SF3A1: variants seen among roughly 807,000 people sequenced by gnomAD.
The protein encoded by SF3A1 is splicing factor 3a subunit 1.
A neutral mutation model predicts 89.9 loss-of-function variants in SF3A1; 13 were observed. The observed-to-expected ratio is 0.14, with a 90% CI of 0.09 to 0.23. SF3A1 has a LOEUF of 0.23. Ranked by LOEUF, SF3A1 falls within the 10% of genes least tolerant of loss-of-function variation. SF3A1 has a pLI of 1.00. For missense variants in SF3A1, 604 were observed against 1,022.1 expected, an observed-to-expected ratio of 0.59 and a Z score of 5.58; for synonymous variants, 405 against 374.4, an observed-to-expected ratio of 1.08 and a Z score of -0.94.
In SF3A1 at chr22:30,337,761, T is replaced by C; in HGVS notation, c.1880A>G (p.Asn627Ser). The C allele has an allele frequency of 1.3e-6, 2 of 1,585,672 alleles. No homozygotes were observed. The highest frequency in any genetic ancestry group is 1.2e-5 in the South Asian group (1 of 86,440). ...GGCCGAGGGAGGCATGGGCACCACG[T>C]TGATTCTGGGCGCGTGGATGATGGG... ...MPPIIHAPRI[N>S]VVPMPPSAPP... The change falls in exon 12 of 16, where the codon AAC (asparagine) becomes AGC (serine). Residue 627 changes from asparagine to serine, a missense_variant. Coordinates refer to ENST00000215793, the MANE Select transcript of SF3A1 (RefSeq NM_005877.6).
intron 2 of SF3A1, among the ~76,000 whole-genome samples, chr22:30,350,304 T>TAAA (rs567383762): frequency 1.5e-5 from 2 of 135,072 alleles, no homozygotes; most frequent in African/African-American, 5.4e-5. Flanking sequence ...ACAAAAAAAC[T>TAAA]AAAAAAAATA....
intron 4 of SF3A1, among the ~76,000 whole-genome samples, chr22:30,344,713 T>C (rs1261195062): frequency 6.6e-6 from 1 of 152,260 alleles, no homozygotes; most frequent in Non-Finnish European, 1.5e-5. Flanking sequence ...TTAGCAAGCA[T>C]GTATTTCCCT....
intron 1 of SF3A1, among the ~76,000 whole-genome samples, chr22:30,355,239 G>T (rs772232240): frequency 1.0e-3 from 158 of 152,236 alleles, no homozygotes; most frequent in Non-Finnish European, 1.8e-3. Flanking sequence ...TCAAACTCCT[G>T]ACCTCAAGTG....
chr22:30,356,725 G>T lies in SF3A1; in HGVS notation c.63+5C>A, dbSNP rs370765021. 2.7e-6 allele frequency: 4 copies of T among 1,491,330 alleles called. No individual in the cohort carries two copies. The highest frequency in any genetic ancestry group is 3.6e-6 in the Non-Finnish European group (4 of 1,116,822). 92.4% of individuals were successfully genotyped at this position (1,491,330 alleles called of 1,614,324 possible). A position where few individuals can be genotyped will look rare whatever the true frequency, so the allele number is the denominator to read the frequency against. ...GCTGCAGGCTGAGGGGCGGGGGAGAGGTACCTGTTTGGGCTCCGTGGGCAC... is the reference window on the plus strand; with the variant it reads ...GCTGCAGGCTGAGGGGCGGGGGAGATGTACCTGTTTGGGCTCCGTGGGCAC... On this transcript the variant is annotated splice_donor_5th_base_variant and intron_variant, in intron 1 of 15. Transcript: ENST00000215793.
At chr22:30,352,062 T>G (rs950079279) in intron 2 of SF3A1, among the ~76,000 whole-genome samples, 3 of 151,188 alleles carry the variant, frequency 2.0e-5, no homozygotes, top group African/African-American at 4.9e-5. Flanking sequence ...TGCGTGGAAC[T>G]GTGGGGAGAG....
chr22:30,342,412 C>A, intron 5 of SF3A1, 62 bp from the exon 6 acceptor site: 1 of 1,526,314 alleles, frequency 6.6e-7, no homozygotes. Context: ...GATGAGGCTA[C>A]CACCTCCAGG....
At chr22:30,334,765 T>C in intron 15 of SF3A1, 70 bp from the exon 16 acceptor site, 3 of 1,087,798 alleles carry the variant, frequency 2.8e-6, no homozygotes, top group South Asian at 2.8e-5. Context: ...ACCTTACAAC[T>C]GTGCACTTGG....
At chr22:30,346,654 T>C in intron 2 of SF3A1, 135 bp from the exon 3 acceptor site, 1 of 907,510 alleles carries the variant, frequency 1.1e-6, no homozygotes, top group Non-Finnish European at 1.7e-6. Flanking sequence ...GACGTCCTCC[T>C]CTAGCTTCCT....
chr22:30,349,374 G>A (rs565535693), intron 2 of SF3A1, among the ~76,000 whole-genome samples: 12 of 152,284 alleles, frequency 7.9e-5, no homozygotes, highest in Admixed American at 6.5e-4. Flanking sequence ...TCTGCCTCCC[G>A]GGTTCAAACG....
At chr22:30,349,512 C>T (rs1931521761) in intron 2 of SF3A1, among the ~76,000 whole-genome samples, 1 of 152,132 alleles carries the variant, frequency 6.6e-6, no homozygotes, top group African/African-American at 2.4e-5. Context: ...GAACTCCTGA[C>T]CTCAGGTGAT....
At chr22:30,356,144 T>C (rs1056748386) in intron 1 of SF3A1, among the ~76,000 whole-genome samples, 1 of 152,136 alleles carries the variant, frequency 6.6e-6, no homozygotes, top group Non-Finnish European at 1.5e-5. Flanking sequence ...TCGATGGCCA[T>C]TGGGACAACA....
intron 3 of SF3A1, among the ~76,000 whole-genome samples, chr22:30,345,981 A>T (rs1931405985): frequency 6.6e-6 from 1 of 152,150 alleles, no homozygotes; most frequent in South Asian, 2.1e-4. Flanking sequence ...TGCTGCCCTC[A>T]CATCACGGCA....
chr22:30,346,542 G>C (rs111538926), intron 2 of SF3A1, 23 bp from the exon 3 acceptor site: 1 of 1,612,414 alleles, frequency 6.2e-7, no homozygotes. Context: ...AAAACAACAA[G>C]AATAAACACC....
At chr22:30,346,203 A>T in intron 3 of SF3A1, 109 bp downstream of exon 3, 1 of 778,332 alleles carries the variant, frequency 1.3e-6, no homozygotes, top group Non-Finnish European at 2.2e-6. Flanking sequence ...TAACGACCTC[A>T]CTTCTCTCCC....
intron 2 of SF3A1, among the ~76,000 whole-genome samples, chr22:30,347,834 G>A (rs2145816623): frequency 6.6e-6 from 1 of 152,228 alleles, no homozygotes; most frequent in South Asian, 2.1e-4. Context: ...ACATTATTGA[G>A]GAGATGCCAA....
intron 7 of SF3A1, among the ~76,000 whole-genome samples, chr22:30,341,244 G>T (rs751890050): frequency 1.3e-5 from 2 of 152,192 alleles, no homozygotes; most frequent in African/African-American, 4.8e-5. Context: ...ATTTCCGAGT[G>T]GGGGAGAACA....
rs767080827 is a variant in SF3A1, at chr22:30,342,771, A to C, written c.726+34T>G. The stretch of plus-strand genomic sequence containing the variant: ...CAGACATAAAACAGAACCAACCACC[A>C]GTAACTGGTTGCAAGAAATGCTATT... On this transcript the variant is annotated intron_variant, in intron 5 of 15. Coordinates refer to ENST00000215793, the MANE Select transcript of SF3A1 (RefSeq NM_005877.6). The C allele has an allele frequency of 2.2e-6, 3 of 1,335,628 alleles. No individual in the cohort carries two copies. The South Asian group carries it at 3.5e-5, about 16-fold the overall frequency. The allele number at this position is 1,335,628 out of a possible 1,614,324, so 82.7% of individuals were successfully genotyped here.
rs1056133041 is a variant in SF3A1 at position 30,333,143 on chromosome 22, A to G, written c.*1451T>C. 1.1e-4 allele frequency: 17 copies of G among 152,356 alleles called. No individual in the cohort carries two copies. The highest frequency in any genetic ancestry group is 3.4e-4 in the African/African-American group (14 of 41,580). The allele number at this position is 152,356 out of a possible 1,614,324, so 9.4% of individuals were successfully genotyped here. ...ACTTCTAGCAACCAGGCCAGAGGCAAATGTCAGACAGGATAAGGGATGACA... is the reference window on the plus strand; with the variant it reads ...ACTTCTAGCAACCAGGCCAGAGGCAGATGTCAGACAGGATAAGGGATGACA... On this transcript the variant is annotated 3_prime_UTR_variant, in exon 16 of 16. Coordinates refer to ENST00000215793, the MANE Select transcript of SF3A1 (RefSeq NM_005877.6).
chr22:30,353,132 C>G (rs1931652878), intron 1 of SF3A1, 60 bp from the exon 2 acceptor site: 3 of 1,588,858 alleles, frequency 1.9e-6, no homozygotes, highest in African/African-American at 1.3e-5. Flanking sequence ...AGGTTCTCCA[C>G]TGTAAAACTC....
Sources: gnomAD v4.1 joint callset for allele counts (sites outside exome capture counted in the v4.1 genomes callset) on GRCh38, gnomAD v4.1.1 for gene constraint, MANE v1.5 for transcripts, NCBI Gene and HGNC (gene_info 2026-07-23, HGNC 2026-07-21) for gene names.